STAC2: variants seen among roughly 807,000 people sequenced by gnomAD.
The protein encoded by STAC2 is SH3 and cysteine rich domain 2.
Under a neutral mutation model 49.0 loss-of-function variants are expected in STAC2, and 36 were observed. The ratio of observed to expected loss-of-function variants is 0.74; its 90% CI spans 0.56 to 0.97. The LOEUF is 0.97. Among genes scored for constraint, STAC2 ranks in the 50% least tolerant of loss-of-function variants. The pLI, the probability that STAC2 is intolerant of heterozygous loss-of-function variation, is 0.00. For missense variants in STAC2, 527 were observed against 543.8 expected (o/e 0.97, Z 0.31); for synonymous variants, 239 against 214.7 (o/e 1.11, Z -0.99).
Position 39,225,648 on chromosome 17 carries a change from C to T in STAC2, c.-146G>A. 1.3e-6 allele frequency: 1 copy of T among 789,030 alleles called. No individual in the cohort carries two copies. Among genetic ancestry groups the T allele is most frequent in the South Asian group, 1.6e-5 (1 of 64,092 alleles). The allele number at this position is 789,030 out of a possible 1,614,324, so 48.9% of individuals were successfully genotyped here. On this transcript the variant is annotated 5_prime_UTR_variant, in exon 1 of 11. Coordinates refer to ENST00000333461, the MANE Select transcript of STAC2 (RefSeq NM_198993.5). This position sits in a 1 kb window ranked among gnomAD's most constrained non-coding sequence, Gnocchi z 8.2. ...GCCCCCGGCACGGCAGCCCCCAACC[C>T]GCGGGAGCGGGCAGAGAAAGTTGCC...
intron 7 of STAC2, 25 bp downstream of exon 7, chr17:39,214,766 C>A: frequency 6.2e-7 from 1 of 1,611,964 alleles, no homozygotes. Context: ...CCTGACCTTC[C>A]GGGCCAATGC....
chr17:39,214,043 C>T lies in STAC2; in HGVS notation c.941+190G>A, dbSNP rs542239398. 2.6e-5 allele frequency among the ~76,000 whole-genome samples: 4 copies of T among 152,176 alleles called. No homozygotes were observed. The East Asian group carries it at 7.8e-4, about 30-fold the overall frequency. ...ACAGGTACAGCAGGCACTCGCTGGGCAGCCCAGTCAGAGGGCGGGAGACAC... is the reference window on the plus strand; with the variant it reads ...ACAGGTACAGCAGGCACTCGCTGGGTAGCCCAGTCAGAGGGCGGGAGACAC... On this transcript the variant is annotated intron_variant, in intron 8 of 10. Coordinates refer to ENST00000333461, the MANE Select transcript of STAC2 (RefSeq NM_198993.5).
At chr17:39,220,932 G>A (rs2046456210) in intron 1 of STAC2, among the ~76,000 whole-genome samples, 2 of 151,500 alleles carry the variant, frequency 1.3e-5, no homozygotes, top group South Asian at 4.2e-4. Context: ...GAGTAGCTAG[G>A]ACTACAGGCG....
At chr17:39,213,361 G>C in intron 9 of STAC2, 146 bp downstream of exon 9, 1 of 1,196,282 alleles carries the variant, frequency 8.4e-7, no homozygotes, top group South Asian at 1.5e-5. Context: ...ATGTCCCAAG[G>C]GTTGGTCCTA....
In STAC2 at chr17:39,216,971, C is replaced by G. The variant is rs2046409769; in HGVS notation, c.496-71G>C. ...TGGAGAACTTGGTCCTTCCCAAGCC[C>G]AGGGCCCACCCCACAGGAAGGAGCA... On this transcript the variant is annotated intron_variant, in intron 3 of 10. Transcript: ENST00000333461. The G allele has an allele frequency of 6.3e-6, 10 of 1,584,290 alleles. No individual in the cohort carries two copies. In the Admixed American group the frequency reaches 1.8e-4, roughly 29 times the overall value.
intron 10 of STAC2, 108 bp from the exon 11 acceptor site, chr17:39,212,504 G>T: frequency 1.3e-6 from 1 of 780,168 alleles, no homozygotes; most frequent in Non-Finnish European, 2.1e-6. Flanking sequence ...TGGGACCAGT[G>T]TCAGATGTGG....
chr17:39,220,318 C>T (rs985835503), intron 1 of STAC2, among the ~76,000 whole-genome samples: 3 of 152,154 alleles, frequency 2.0e-5, no homozygotes, highest in South Asian at 2.1e-4. Flanking sequence ...GCAGGTGAAC[C>T]GTCCACTGTT....
chr17:39,215,195 G>C lies in STAC2; in HGVS notation c.622C>G (p.Leu208Val), dbSNP rs374586537. ...AGTGCCAGGGAGGTGCCATAGCGCA[G>C]GGTCTCGTAGACAGGGTCCACCTTC... ...SGKVDPVYET[L>V]RYGTSLALMN... The change falls in exon 5 of 11, where the codon CTG becomes GTG. Residue 208 changes from leucine to valine, a missense_variant. Leu to Val is a conservative substitution (Grantham distance 32). Transcript: ENST00000333461. 3.7e-5 allele frequency: 59 copies of C among 1,613,930 alleles called. No individual in the cohort carries two copies. Among genetic ancestry groups the C allele is most frequent in the Non-Finnish European group, 4.8e-5 (57 of 1,180,018 alleles).
chr17:39,218,689 C>A (rs1382354990), intron 1 of STAC2, among the ~76,000 whole-genome samples: 1 of 151,530 alleles, frequency 6.6e-6, no homozygotes, highest in African/African-American at 2.4e-5. Flanking sequence ...TAAATAGATT[C>A]ATCATTCTTT....
intron 1 of STAC2, among the ~76,000 whole-genome samples, chr17:39,221,297 C>T (rs934040017): frequency 6.6e-6 from 1 of 151,928 alleles, no homozygotes; most frequent in Non-Finnish European, 1.5e-5. Context: ...GATGGGGTTT[C>T]ACCGTATTGG....
chr17:39,218,183 A>G lies in STAC2; in HGVS notation c.91-10T>C, dbSNP rs965148341. ...GCTTGAATCGCTGGAGCTGGGAGAA[A>G]AAGAGGGAGCTGTGAGTGGGAGCCT... On this transcript the variant is annotated splice_polypyrimidine_tract_variant and intron_variant, in intron 1 of 10. Coordinates refer to ENST00000333461, the MANE Select transcript of STAC2 (RefSeq NM_198993.5). 1.2e-6 allele frequency: 2 copies of G among 1,613,066 alleles called. No individual in the cohort carries two copies. Among genetic ancestry groups the G allele is most frequent in the African/African-American group, 1.3e-5 (1 of 74,974 alleles).
At chr17:39,218,425 C>A (rs956329936) in intron 1 of STAC2, among the ~76,000 whole-genome samples, 2 of 152,174 alleles carry the variant, frequency 1.3e-5, no homozygotes, top group African/African-American at 4.8e-5. Flanking sequence ...AGGTGGGCAG[C>A]AATCAAGAGC....
chr17:39,214,370 C>A, intron 7 of STAC2, 40 bp from the exon 8 acceptor site: 1 of 1,611,910 alleles, frequency 6.2e-7, no homozygotes, highest in Non-Finnish European at 8.5e-7. Flanking sequence ...GAAAGCAGCA[C>A]CCTCACTCCC....
At chr17:39,212,483 C>G in intron 10 of STAC2, 87 bp from the exon 11 acceptor site, 1 of 998,692 alleles carries the variant, frequency 1.0e-6, no homozygotes, top group Non-Finnish European at 1.5e-6. Context: ...GGGACCCACC[C>G]TGGGGGATGA....
chr17:39,221,703 T>C (rs1434752383), intron 1 of STAC2, among the ~76,000 whole-genome samples: 1 of 152,142 alleles, frequency 6.6e-6, no homozygotes, highest in East Asian at 1.9e-4. Flanking sequence ...CATCCTGCTG[T>C]GCTGAGCCCT....
intron 9 of STAC2, 138 bp from the exon 10 acceptor site, chr17:39,213,270 A>T: frequency 6.9e-7 from 1 of 1,446,452 alleles, no homozygotes; most frequent in South Asian, 1.3e-5. Context: ...TCCAGCCCCC[A>T]GCCAGGTGGC....
chr17:39,218,243 G>A, intron 1 of STAC2, 70 bp from the exon 2 acceptor site: 1 of 1,552,308 alleles, frequency 6.4e-7, no homozygotes, highest in Non-Finnish European at 8.9e-7. Flanking sequence ...TCCCTTCAGG[G>A]TGTCTCTGGC....
intron 8 of STAC2, 102 bp from the exon 9 acceptor site, chr17:39,213,660 GGAGA>G: frequency 9.9e-7 from 1 of 1,010,104 alleles, no homozygotes; most frequent in Non-Finnish European, 1.5e-6. Context: ...TCCTCAGCTG[GGAGA>G]GACGATTCTT....
At chr17:39,212,949 C>T (rs761051991) in intron 10 of STAC2, 46 bp downstream of exon 10, 1 of 1,584,828 alleles carries the variant, frequency 6.3e-7, no homozygotes, top group Non-Finnish European at 8.6e-7. Context: ...CCCCCGCCCA[C>T]TCCCTCCCTC....
Sources: gnomAD v4.1 joint callset for allele counts (sites outside exome capture counted in the v4.1 genomes callset) on GRCh38, gnomAD v4.1.1 for gene constraint, Gnocchi (gnomAD v3.1) non-coding constraint, MANE v1.5 for transcripts, NCBI Gene and HGNC (gene_info 2026-07-23, HGNC 2026-07-21) for gene names.